The following CDK17 variants were observed in gnomAD, a reference collection of about 807,000 sequenced individuals.
CDK17 encodes cyclin dependent kinase 17, also known as cyclin-dependent kinase 17.
CDK17 carries 24 observed loss-of-function variants against 77.6 expected under a neutral mutation model. That is an observed-to-expected ratio of 0.31 (90% confidence interval 0.22 to 0.44). The LOEUF is 0.44. Among genes scored for constraint, CDK17 ranks in the 20% least tolerant of loss-of-function variants. The pLI is 1.00. For synonymous variants in CDK17, 203 were observed against 210.4 expected (o/e 0.96, Z 0.30); for missense variants, 429 against 622.5 (o/e 0.69, Z 3.31).
At chr12:96,326,696 T>C (rs1952895562) in intron 2 of CDK17, among the ~76,000 whole-genome samples, 1 of 152,192 alleles carries the variant, frequency 6.6e-6, no homozygotes, top group African/African-American at 2.4e-5. Context: ...AAATATGTGT[T>C]TCTAACAAAT....
chr12:96,293,640 G>A (rs917950348), intron 10 of CDK17, among the ~76,000 whole-genome samples: 1 of 152,168 alleles, frequency 6.6e-6, no homozygotes, highest in African/African-American at 2.4e-5. Context: ...AACTTCTCAT[G>A]CTTTTGTTGC....
intron 3 of CDK17, among the ~76,000 whole-genome samples, chr12:96,322,542 G>A (rs1254734571): frequency 2.0e-5 from 3 of 148,538 alleles, no homozygotes; most frequent in Non-Finnish European, 4.4e-5. Flanking sequence ...AAAACAATAA[G>A]CCAGGGCCTG....
intron 13 of CDK17, chr12:96,285,689 TC>T (rs1952236618): frequency 6.4e-6 from 1 of 157,074 alleles, no homozygotes; most frequent in African/African-American, 2.4e-5. Flanking sequence ...TTAACACTGG[TC>T]AAAATACTGA....
intron 5 of CDK17, among the ~76,000 whole-genome samples, chr12:96,310,217 A>G (rs1041008637): frequency 4.6e-5 from 7 of 152,258 alleles, no homozygotes; most frequent in African/African-American, 1.7e-4. Context: ...AAAGAAGCTA[A>G]CAACAAAAAT....
chr12:96,334,830 T>G lies in CDK17; in HGVS notation c.7A>C (p.Lys3Gln). The G allele has an allele frequency of 6.5e-7, 1 of 1,544,430 alleles. No individual in the cohort carries two copies. Among genetic ancestry groups the G allele is most frequent in the Non-Finnish European group, 9.0e-7 (1 of 1,117,028 alleles). The change falls in exon 2 of 17, where the codon AAA becomes CAA. Residue 3 changes from lysine (K) to glutamine (Q), a missense_variant. Physicochemically the swap from Lys to Gln is moderately conservative, Grantham distance 53. Transcript: ENST00000261211. MK[K>Q]FKRRLSLTLR... is the part of the protein sequence containing the mutation. ...GTGAGGGATAGCCTTCTCTTAAATT[T>G]TTTCATCCTATCAATTGAATGTGGC...
intron 1 of CDK17, among the ~76,000 whole-genome samples, chr12:96,390,787 T>C (rs1827709953): frequency 6.6e-6 from 1 of 151,078 alleles, no homozygotes; most frequent in Admixed American, 6.6e-5. Context: ...TGGAACAGTT[T>C]TTATTTAATT....
chr12:96,316,957 G>C lies in CDK17; in HGVS notation c.284-3503C>G, dbSNP rs534837448. On this transcript the variant is annotated intron_variant, in intron 3 of 16. Transcript: ENST00000261211. ...CAGCAACGGAACAAAGCTGGATGGAGAATGACTTTGACGAGCTGAGAGAAG... is the reference window on the plus strand; with the variant it reads ...CAGCAACGGAACAAAGCTGGATGGACAATGACTTTGACGAGCTGAGAGAAG... Among the ~76,000 whole-genome samples, 389 of 150,446 alleles carry C rather than the reference G, an allele frequency of 2.6e-3. 1 individual carries two copies. Among genetic ancestry groups the C allele is most frequent in the African/African-American group, 9.0e-3 (366 of 40,882 alleles).
intron 1 of CDK17, among the ~76,000 whole-genome samples, chr12:96,394,989 C>T (rs995796128): frequency 1.3e-5 from 2 of 151,754 alleles, no homozygotes; most frequent in African/African-American, 4.8e-5. Context: ...AATTCTCCTG[C>T]CTCAGCCTCC....
chr12:96,368,811 G>A (rs79280908), intron 1 of CDK17, among the ~76,000 whole-genome samples: 1,793 of 11,558 alleles, frequency 0.16, 197 homozygotes, highest in African/African-American at 0.3. Flanking sequence ...TAAGACGGGG[G>A]GGGGGGGGGG....
Position 96,377,901 on chromosome 12 carries a change from G to A in CDK17, c.-30+22085C>T, listed in dbSNP as rs1250830339. On this transcript the variant is annotated intron_variant, in intron 1 of 16. Transcript: ENST00000261211. ...GTAGAGACAGGGTTTCACCGTGTTA[G>A]CCAGGATGGTCTTGATCTCCTGACC... Among the ~76,000 whole-genome samples the A allele has an allele frequency of 3.9e-5, 6 of 152,090 alleles. No homozygotes were observed. In the East Asian group the frequency reaches 7.7e-4, roughly 20 times the overall value.
intron 3 of CDK17, among the ~76,000 whole-genome samples, chr12:96,314,202 A>G (rs1952677958): frequency 1.3e-5 from 2 of 151,952 alleles, no homozygotes; most frequent in Admixed American, 6.6e-5. Flanking sequence ...ACAGACATAT[A>G]CTGTTTTGTT....
At chr12:96,315,820 A>G (rs1952706468) in intron 3 of CDK17, among the ~76,000 whole-genome samples, 1 of 152,090 alleles carries the variant, frequency 6.6e-6, no homozygotes. Context: ...TTTACCTTCC[A>G]CATTGGGATA....
intron 2 of CDK17, among the ~76,000 whole-genome samples, chr12:96,332,076 A>C (rs1004920707): frequency 6.6e-6 from 1 of 152,136 alleles, no homozygotes; most frequent in Non-Finnish European, 1.5e-5. Context: ...TTCCTTTTCT[A>C]TGTTTAGATA....
At position 96,283,592 on chromosome 12, in the gene CDK17, A is replaced by G; in HGVS notation, c.1365+11T>C. On this transcript the variant is annotated intron_variant, in intron 14 of 16. Coordinates refer to ENST00000261211, the MANE Select transcript of CDK17 (RefSeq NM_002595.5). ...CAACCTATTTAACAATTACTGTAAG[A>G]ACTGACTTACCTGAAGAAATTTTGT... 1 of 1,561,708 alleles carries G rather than the reference A, an allele frequency of 6.4e-7. No homozygotes were observed. The highest frequency in any genetic ancestry group is 8.8e-7 in the Non-Finnish European group (1 of 1,134,168).
At chr12:96,281,350 G>T (rs1002605875) in intron 15 of CDK17, among the ~76,000 whole-genome samples, 1 of 152,194 alleles carries the variant, frequency 6.6e-6, no homozygotes, top group Non-Finnish European at 1.5e-5. Flanking sequence ...AGTAAAACTT[G>T]GTATTAATAA....
intron 5 of CDK17, among the ~76,000 whole-genome samples, chr12:96,310,246 T>G (rs968900540): frequency 2.0e-5 from 3 of 152,100 alleles, no homozygotes; most frequent in Non-Finnish European, 4.4e-5. Context: ...CTGTATAACT[T>G]CCATACATAC....
intron 1 of CDK17, among the ~76,000 whole-genome samples, chr12:96,381,476 G>T (rs1953879697): frequency 6.6e-6 from 1 of 151,742 alleles, no homozygotes; most frequent in South Asian, 2.1e-4. Context: ...CATACCTACA[G>T]TTCAAATTTT....
intron 1 of CDK17, among the ~76,000 whole-genome samples, chr12:96,368,391 G>A (rs1336603440): frequency 6.6e-6 from 1 of 152,092 alleles, no homozygotes; most frequent in Non-Finnish European, 1.5e-5. Context: ...TTCTAATGTG[G>A]CTCTTGATTT....
chr12:96,372,804 A>G (rs1052565520), intron 1 of CDK17, among the ~76,000 whole-genome samples: 2 of 152,248 alleles, frequency 1.3e-5, no homozygotes, highest in Admixed American at 6.5e-5. Flanking sequence ...ATATGCATAT[A>G]CATTACAAAT....
Sources: gnomAD v4.1 joint callset for allele counts (sites outside exome capture counted in the v4.1 genomes callset) on GRCh38, gnomAD v4.1.1 for gene constraint, MANE v1.5 for transcripts, NCBI Gene and HGNC (gene_info 2026-07-23, HGNC 2026-07-21) for gene names.